Variants in PRELID2 observed in about 807,000 individuals in gnomAD.
The protein encoded by PRELID2 is PRELI domain-containing protein 2.
A neutral mutation model predicts 28.4 loss-of-function variants in PRELID2; 25 were observed. The ratio of observed to expected loss-of-function variants is 0.88; its 90% CI spans 0.64 to 1.23. PRELID2 has a LOEUF of 1.23. Ranked by LOEUF, PRELID2 falls within the 50% of genes most tolerant of loss-of-function variation. The pLI is 0.00. For missense variants in PRELID2, 201 were observed against 214.4 expected (o/e 0.94, Z 0.39); for synonymous variants, 76 against 71.6 (o/e 1.06, Z -0.31).
chr5:145,417,261 C>A, the PRELID2 span, among the ~76,000 whole-genome samples: 4 of 151,870 alleles, frequency 2.6e-5, no homozygotes, highest in African/African-American at 9.7e-5. Context: ...AATAAATAGC[C>A]TAGGAACAAA....
At chr5:145,342,095 G>A in the PRELID2 span, among the ~76,000 whole-genome samples, 8 of 152,170 alleles carry the variant, frequency 5.3e-5, no homozygotes, top group African/African-American at 7.2e-5. Flanking sequence ...TGAAGAGAAT[G>A]AGATAATTTG....
At chr5:145,539,485 G>T (rs1184894196) in intron 1 of PRELID2, among the ~76,000 whole-genome samples, 1 of 151,854 alleles carries the variant, frequency 6.6e-6, no homozygotes, top group African/African-American at 2.4e-5. Context: ...AGAACTGTTG[G>T]ACCAGGAGAA....
At chr5:145,468,605 C>T (rs1752024504), downstream of PRELID2, among the ~76,000 whole-genome samples, 1 of 152,154 alleles carries the variant, frequency 6.6e-6, no homozygotes, top group Non-Finnish European at 1.5e-5. Context: ...TTAATGATCG[C>T]CATTCTAACT....
the PRELID2 span, among the ~76,000 whole-genome samples, chr5:145,312,078 A>G: frequency 1.3e-5 from 2 of 152,008 alleles, no homozygotes; most frequent in Non-Finnish European, 2.9e-5. Flanking sequence ...AGGTGCATTG[A>G]CTGATGTCTG....
the PRELID2 span, among the ~76,000 whole-genome samples, chr5:145,394,489 A>G: frequency 5.3e-5 from 8 of 152,022 alleles, no homozygotes; most frequent in Non-Finnish European, 7.4e-5. Context: ...GCTAAATGAC[A>G]AGTTAATGGG....
At chr5:145,593,836 T>C (rs1025780550) in intron 1 of PRELID2, among the ~76,000 whole-genome samples, 2 of 152,166 alleles carry the variant, frequency 1.3e-5, no homozygotes, top group Non-Finnish European at 2.9e-5. Flanking sequence ...GATATATCAT[T>C]TAATCATGAA....
the PRELID2 span, among the ~76,000 whole-genome samples, chr5:145,307,217 A>G: frequency 2.0e-5 from 3 of 152,132 alleles, no homozygotes; most frequent in Admixed American, 2.0e-4. Flanking sequence ...TTTAATAGGT[A>G]TAGTTGGGGC....
At chr5:145,537,073 G>A (rs7712761) in intron 1 of PRELID2, among the ~76,000 whole-genome samples, 16,371 of 151,682 alleles carry the variant, frequency 0.11, 904 homozygotes, top group Non-Finnish European at 0.12. Flanking sequence ...CTAGAATCCC[G>A]TCTTGTAAAA....
chr5:145,812,593 T>A (rs1754023719), intron 4 of PRELID2, among the ~76,000 whole-genome samples: 1 of 152,180 alleles, frequency 6.6e-6, no homozygotes, highest in Admixed American at 6.5e-5. Flanking sequence ...ATCAAGCACT[T>A]AGAGCAGAGC....
chr5:145,336,146 T>C, the PRELID2 span, among the ~76,000 whole-genome samples: 1 of 152,240 alleles, frequency 6.6e-6, no homozygotes, highest in Non-Finnish European at 1.5e-5. Flanking sequence ...TAAATTTGTT[T>C]GAGTTCATTG....
At chr5:145,407,355 G>A in the PRELID2 span, among the ~76,000 whole-genome samples, 1 of 152,092 alleles carries the variant, frequency 6.6e-6, no homozygotes, top group Non-Finnish European at 1.5e-5. Context: ...CACTTCTGTG[G>A]CAACCTATAT....
chr5:145,328,545 C>G, the PRELID2 span, among the ~76,000 whole-genome samples: 1 of 151,916 alleles, frequency 6.6e-6, no homozygotes, highest in African/African-American at 2.4e-5. Context: ...TGATGATGAG[C>G]TTTTTTTTCA....
chr5:145,609,073 T>C (rs1270372788), intron 1 of PRELID2, among the ~76,000 whole-genome samples: 1 of 152,230 alleles, frequency 6.6e-6, no homozygotes, highest in East Asian at 1.9e-4. Flanking sequence ...TGCAATTATA[T>C]TATGAAATTC....
At chr5:145,272,081 C>A in the PRELID2 span, among the ~76,000 whole-genome samples, 3 of 129,746 alleles carry the variant, frequency 2.3e-5, no homozygotes, top group African/African-American at 1.0e-4. Context: ...TGGATGGCAA[C>A]ATATTTTTTT....
chr5:145,516,865 C>T (rs1256623586), intron 1 of PRELID2, among the ~76,000 whole-genome samples: 1 of 152,114 alleles, frequency 6.6e-6, no homozygotes, highest in African/African-American at 2.4e-5. Flanking sequence ...TTTGACAAAC[C>T]TGACAAAAAC....
chr5:145,347,209 G>A, the PRELID2 span, among the ~76,000 whole-genome samples: 8 of 152,252 alleles, frequency 5.3e-5, no homozygotes, highest in South Asian at 2.1e-4. Flanking sequence ...CACTAGTGGC[G>A]AAGCTAGATC....
the PRELID2 span, among the ~76,000 whole-genome samples, chr5:145,427,457 T>C: frequency 2.0e-5 from 3 of 152,206 alleles, no homozygotes; most frequent in Non-Finnish European, 4.4e-5. Flanking sequence ...AAAGATGGCA[T>C]CTATTTTTAA....
intron 1 of PRELID2, among the ~76,000 whole-genome samples, chr5:145,501,095 A>C (rs2126633949): frequency 6.6e-6 from 1 of 152,258 alleles, no homozygotes; most frequent in Non-Finnish European, 1.5e-5. Context: ...TCTTTCTCAC[A>C]ATATAGAAAG....
At chr5:145,323,159 A>T in the PRELID2 span, among the ~76,000 whole-genome samples, 1 of 151,962 alleles carries the variant, frequency 6.6e-6, no homozygotes, top group South Asian at 2.1e-4. Context: ...ACTAATGGGG[A>T]AGACAGCACC....
Sources: gnomAD v4.1 joint callset for allele counts (sites outside exome capture counted in the v4.1 genomes callset) on GRCh38, gnomAD v4.1.1 for gene constraint, MANE v1.5 for transcripts, NCBI Gene and HGNC (gene_info 2026-07-23, HGNC 2026-07-21) for gene names.